Variants in CCNDBP1 observed in about 807,000 individuals in gnomAD.
The protein encoded by CCNDBP1 is cyclin D1 binding protein 1, also known as cyclin-D1-binding protein 1.
In CCNDBP1, 45 loss-of-function variants were observed where a neutral mutation model predicts 46.2. The observed-to-expected ratio is 0.97, with a 90% CI of 0.77 to 1.25. CCNDBP1 has a LOEUF of 1.25. Among genes scored for constraint, CCNDBP1 ranks in the 50% most tolerant of loss-of-function variants. The pLI is 0.00. For missense variants in CCNDBP1, 436 were observed against 442.1 expected, an observed-to-expected ratio of 0.99 and a Z score of 0.12; for synonymous variants, 154 against 163.6, an observed-to-expected ratio of 0.94 and a Z score of 0.45.
At chr15:43,189,624 TATCTCA>T (rs1373926434) in intron 4 of CCNDBP1, 2 of 316,024 alleles carry the variant, frequency 6.3e-6, no homozygotes, top group African/African-American at 4.3e-5. Flanking sequence ...ACCCATGTTA[TATCTCA>T]CCCTATTTCT....
chr15:43,189,486 C>T, intron 4 of CCNDBP1: 2 of 484,158 alleles, frequency 4.1e-6, no homozygotes, highest in Non-Finnish European at 7.3e-6. Context: ...TCCCATCTCC[C>T]CTGCCTTGCC....
intron 9 of CCNDBP1, chr15:43,193,332 C>CAAAAAAAAAAAAAAAAAAAAA (rs60206861): frequency 2.6e-5 from 1 of 39,130 alleles, no homozygotes. Flanking sequence ...GACTCTGTCT[C>CAAAAAAAAAAAAAAAAAAAAA]AAAAAAAAAA....
At chr15:43,189,702 T>C in intron 4 of CCNDBP1, 1 of 330,868 alleles carries the variant, frequency 3.0e-6, no homozygotes, top group South Asian at 5.0e-5. Flanking sequence ...TTGATTATAA[T>C]CATGCCAAAA....
intron 3 of CCNDBP1, chr15:43,188,910 C>T (rs925385004): frequency 1.6e-5 from 4 of 251,688 alleles, no homozygotes; most frequent in African/African-American, 9.2e-5. Flanking sequence ...AACCCCATCT[C>T]TACTAAAAAT....
chr15:43,186,297 C>G (rs2041834761), intron 3 of CCNDBP1, 64 bp downstream of exon 3: 16 of 1,337,468 alleles, frequency 1.2e-5, no homozygotes, highest in Non-Finnish European at 1.7e-5. Context: ...CTCTAATTTT[C>G]TTTCCACCTT....
chr15:43,194,860 ACTCTCT>A lies in CCNDBP1; in HGVS notation c.*20_*25del. 1 of 1,440,764 alleles carries A rather than the reference ACTCTCT, an allele frequency of 6.9e-7. No individual in the cohort carries two copies. 89.2% of individuals were successfully genotyped at this position (1,440,764 alleles called of 1,614,324 possible). On this transcript the variant is annotated 3_prime_UTR_variant, in exon 11 of 11. Coordinates refer to ENST00000300213, the MANE Select transcript of CCNDBP1 (RefSeq NM_012142.5). ...ATTATGACTTTTCAGGCTCATTTGT[ACTCTCT>A]TCCCCTCTCATCGTCATGGTCAGGC... is the stretch of plus-strand genomic sequence containing the variant.
intron 2 of CCNDBP1, 47 bp downstream of exon 2, chr15:43,185,926 G>A: frequency 6.4e-7 from 1 of 1,560,562 alleles, no homozygotes; most frequent in Non-Finnish European, 8.7e-7. Flanking sequence ...TTCCTCCAGC[G>A]TCCCGACCCC....
In CCNDBP1 at chr15:43,189,308, G is replaced by C. The variant is rs374174194; in HGVS notation, c.331+28G>C. ...AAGCCACATAAGTGTTGCATTTATCGTGTAGATCTTTGCTAATATTGTGGA... is the reference window on the plus strand; with the variant it reads ...AAGCCACATAAGTGTTGCATTTATCCTGTAGATCTTTGCTAATATTGTGGA... On this transcript the variant is annotated intron_variant, in intron 4 of 10. Transcript: ENST00000300213. 2 of 1,359,380 alleles carry C rather than the reference G, an allele frequency of 1.5e-6. 1 individual carries two copies. The highest frequency in any genetic ancestry group is 2.5e-5 in the South Asian group (2 of 80,114). 84.2% of individuals were successfully genotyped at this position (1,359,380 alleles called of 1,614,324 possible).
chr15:43,186,074 TC>T, intron 2 of CCNDBP1, 79 bp from the exon 3 acceptor site: 1 of 1,380,734 alleles, frequency 7.2e-7, no homozygotes, highest in Admixed American at 1.7e-5. Context: ...TTTTGAGAAG[TC>T]TCGGTCGGTA....
chr15:43,188,093 A>G (rs143361429), intron 3 of CCNDBP1, among the ~76,000 whole-genome samples: 2 of 152,300 alleles, frequency 1.3e-5, no homozygotes, highest in African/African-American at 4.8e-5. Flanking sequence ...TCAAATTGCC[A>G]TAAAAGTTTC....
intron 7 of CCNDBP1, 91 bp downstream of exon 7, chr15:43,191,133 G>C (rs2041942916): frequency 8.4e-6 from 9 of 1,074,296 alleles, no homozygotes; most frequent in Non-Finnish European, 1.3e-5. Context: ...TGACCAGATA[G>C]GTCCCATTCT....
rs1353396678 is a variant in CCNDBP1 at position 43,195,246 on chromosome 15, G to A, written c.*405G>A. The A allele has an allele frequency of 6.4e-6, 1 of 156,618 alleles. No homozygotes were observed. Among genetic ancestry groups the A allele is most frequent in the African/African-American group, 2.4e-5 (1 of 41,590 alleles). The allele number at this position is 156,618 out of a possible 1,614,324, so 9.7% of individuals were successfully genotyped here. On this transcript the variant is annotated 3_prime_UTR_variant, in exon 11 of 11. Coordinates refer to ENST00000300213, the MANE Select transcript of CCNDBP1 (RefSeq NM_012142.5). ...TTTTACCAGAAATACAGTGGATTGA[G>A]ACTAGAACATTGCTTTCATTTGGGT...
chr15:43,186,205 T>C lies in CCNDBP1; in HGVS notation c.221T>C (p.Phe74Ser), dbSNP rs2041830557. The change falls in exon 3 of 11, where the codon TTC (phenylalanine) becomes TCC (serine). Residue 74 changes from phenylalanine to serine, a missense_variant. By Grantham distance (155) the Phe-to-Ser change is radical (BLOSUM62 -2). Transcript: ENST00000300213. ...SREATTLTIV[F>S]SQLPLPSPQE... ...GAAGCCACGACTCTGACCATAGTCT[T>C]CTCTCAGCTTCCACTGCCGTCTCCA... is the stretch of plus-strand genomic sequence containing the variant. The C allele has an allele frequency of 1.2e-6, 2 of 1,614,024 alleles. No homozygotes were observed. Among genetic ancestry groups the C allele is most frequent in the Non-Finnish European group, 8.5e-7 (1 of 1,179,978 alleles).
chr15:43,194,656 C>G (rs2042015873), intron 10 of CCNDBP1, 71 bp from the exon 11 acceptor site: 1 of 1,240,424 alleles, frequency 8.1e-7, no homozygotes, highest in African/African-American at 1.5e-5. Context: ...TCCCTGTGCT[C>G]CCTCCTGAGG....
At chr15:43,191,927 A>C (rs949170900) in intron 8 of CCNDBP1, among the ~76,000 whole-genome samples, 1 of 152,154 alleles carries the variant, frequency 6.6e-6, no homozygotes, top group African/African-American at 2.4e-5. Flanking sequence ...TTGAGAGTAA[A>C]TTGCAGACAG....
chr15:43,193,332 CAAAAAAAAAAAAAAAAA>C (rs60206861), intron 9 of CCNDBP1: 4 of 39,148 alleles, frequency 1.0e-4, no homozygotes, highest in South Asian at 2.1e-3. Flanking sequence ...GACTCTGTCT[CAAAAAAAAAAAAAAAAA>C]AAAAAAAAAA....
rs781254394 is a variant in CCNDBP1 at position 43,192,783 on chromosome 15, C to T, written c.901C>T (p.His301Tyr). 6.2e-7 allele frequency: 1 copy of T among 1,614,088 alleles called. No homozygotes were observed. The highest frequency in any genetic ancestry group is 1.3e-5 in the African/African-American group (1 of 75,030). The change falls in exon 9 of 11, where the codon CAC becomes TAC. Residue 301 changes from histidine to tyrosine, a missense_variant. By Grantham distance (83) the His-to-Tyr change is moderately conservative. Transcript: ENST00000300213. Reference protein sequence around the residue: ...LALSIYPPMCHLTVRINSAKL... With the variant: ...LALSIYPPMCYLTVRINSAKL... ...TCTGAGCATATATCCACCTATGTGT[C>T]ACCTGACCGTGCGAATCAATGTAAG... is the stretch of plus-strand genomic sequence containing the variant.
chr15:43,188,374 A>G (rs1165054522), intron 3 of CCNDBP1: 1 of 152,182 alleles, frequency 6.6e-6, no homozygotes, highest in African/African-American at 2.4e-5. Context: ...ATGGTCTGTC[A>G]GTTGGTCTGT....
chr15:43,193,024 C>T, intron 9 of CCNDBP1: 1 of 546,752 alleles, frequency 1.8e-6, no homozygotes, highest in Non-Finnish European at 3.3e-6. Flanking sequence ...TCCATAATCA[C>T]CTGGGTAATC....
Sources: allele counts gnomAD v4.1 joint callset (sites outside exome capture counted in the v4.1 genomes callset), GRCh38; gene constraint gnomAD v4.1.1; transcripts MANE v1.5; gene names NCBI Gene and HGNC (gene_info 2026-07-23, HGNC 2026-07-21).